The following HEBP2 variants were observed in gnomAD, a reference collection of about 807,000 sequenced individuals.
HEBP2 encodes heme-binding protein 2.
HEBP2 carries 27 observed loss-of-function variants against 23.1 expected under a neutral mutation model. The observed-to-expected ratio is 1.17, with a 90% CI of 0.86 to 1.61. The LOEUF (loss-of-function observed/expected upper bound fraction) is 1.61. Ranked by LOEUF, HEBP2 falls within the 40% of genes most tolerant of loss-of-function variation. The pLI is 0.00. For synonymous variants in HEBP2, 99 were observed against 95.1 expected, an observed-to-expected ratio of 1.04 and a Z score of -0.24; for missense variants, 245 against 253.8, an observed-to-expected ratio of 0.97 and a Z score of 0.24.
intron 3 of HEBP2, among the ~76,000 whole-genome samples, chr6:138,407,247 C>T (rs182662222): frequency 3.9e-5 from 6 of 152,302 alleles, no homozygotes; most frequent in African/African-American, 9.6e-5. Flanking sequence ...ATCCTGCGGC[C>T]GATTCCCCTC....
In HEBP2 at chr6:138,413,227, T is replaced by C. The variant is rs1774782975; in HGVS notation, c.*149T>C. On this transcript the variant is annotated 3_prime_UTR_variant, in exon 4 of 4. Coordinates refer to ENST00000607197, the MANE Select transcript of HEBP2 (RefSeq NM_014320.3). ...TATTTCCAATGTGCCTTTTTAATGC[T>C]TGAAGTTTTATCTACATACACAGGT... 1 of 639,364 alleles carries C rather than the reference T, an allele frequency of 1.6e-6. No homozygotes were observed. Among genetic ancestry groups the C allele is most frequent in the Admixed American group, 2.9e-5 (1 of 34,326 alleles). 39.6% of individuals were successfully genotyped at this position (639,364 alleles called of 1,614,324 possible).
rs200927630 is a variant in HEBP2, at chr6:138,406,150, C to T, written c.418C>T (p.Arg140Trp). 7.0e-5 allele frequency: 113 copies of T among 1,613,218 alleles called. No individual in the cohort carries two copies. The highest frequency in any genetic ancestry group is 3.2e-4 in the Admixed American group (19 of 59,896). Residue 140 changes from arginine to tryptophan, a missense_variant and splice_region_variant, in exon 3 of 4, where the codon CGG (arginine) becomes TGG (tryptophan). Coordinates refer to ENST00000607197, the MANE Select transcript of HEBP2 (RefSeq NM_014320.3). Reference sequence around the variant, plus strand: ...TAGAGCCGAAATGACTGTGTTTGTACGGTAAGTGGTAGATAATTTATAGCC... The same window carrying T: ...TAGAGCCGAAATGACTGTGTTTGTATGGTAAGTGGTAGATAATTTATAGCC... ...EDRAEMTVFV[R>W]SFDGFSSAQK...
chr6:138,404,268 G>A lies in HEBP2; in HGVS notation c.-228G>A, dbSNP rs1181172554. ...GGGGGCAGGACGCGCAACTCCGGCC[G>A]GAGCTGTCCGGGGTCGTGAGCCGGC... On this transcript the variant is annotated 5_prime_UTR_variant, in exon 1 of 4. Coordinates refer to ENST00000607197, the MANE Select transcript of HEBP2 (RefSeq NM_014320.3). The A allele has an allele frequency of 1.5e-5, 5 of 323,854 alleles. No individual in the cohort carries two copies. Among genetic ancestry groups the A allele is most frequent in the Non-Finnish European group, 2.8e-5 (5 of 178,510 alleles). The allele number at this position is 323,854 out of a possible 1,614,324, so 20.1% of individuals were successfully genotyped here.
chr6:138,413,284 T>TAA lies in HEBP2; in HGVS notation c.*206_*207insAA. ...GGACAGTAGTCTGTAAACATATAAA[T>TAA]CGGTCATAACTATCGTGGTCTTTAT... is the stretch of plus-strand genomic sequence containing the variant. On this transcript the variant is annotated 3_prime_UTR_variant, in exon 4 of 4. Transcript: ENST00000607197. 1 of 521,782 alleles carries TAA rather than the reference T, an allele frequency of 1.9e-6. No homozygotes were observed. The highest frequency in any genetic ancestry group is 3.4e-6 in the Non-Finnish European group (1 of 292,444). The allele number at this position is 521,782 out of a possible 1,614,324, so 32.3% of individuals were successfully genotyped here.
At chr6:138,411,311 G>A (rs1283471748) in intron 3 of HEBP2, among the ~76,000 whole-genome samples, 1 of 152,074 alleles carries the variant, frequency 6.6e-6, no homozygotes, top group African/African-American at 2.4e-5. Context: ...CCCCACAGCA[G>A]CCTCCTGACT....
chr6:138,405,039 A>C (rs1774616198), intron 1 of HEBP2, 106 bp from the exon 2 acceptor site: 3 of 1,266,756 alleles, frequency 2.4e-6, no homozygotes, highest in South Asian at 1.4e-5. Flanking sequence ...TGCAGCCCCT[A>C]GACAGGACGG....
Position 138,420,896 on chromosome 6 carries a change from C to T in HEBP2, c.*7818C>T, listed in dbSNP as rs373951890. On this transcript the variant is annotated 3_prime_UTR_variant, in exon 4 of 4. Transcript: ENST00000607197. The stretch of plus-strand genomic sequence containing the variant: ...GTAGGATCATGCCCCTCACTGATAG[C>T]TCAACCACGTTTTCTATCTTTGGGC... The T allele has an allele frequency of 5.9e-5, 9 of 152,328 alleles. No individual in the cohort carries two copies. Among genetic ancestry groups the T allele is most frequent in the African/African-American group, 2.2e-4 (9 of 41,576 alleles). 9.4% of individuals were successfully genotyped at this position (152,328 alleles called of 1,614,324 possible). A position where few individuals can be genotyped will look rare whatever the true frequency, so the allele number is the denominator to read the frequency against.
intron 3 of HEBP2, among the ~76,000 whole-genome samples, chr6:138,406,914 C>T (rs1194892042): frequency 6.6e-6 from 1 of 151,972 alleles, no homozygotes; most frequent in Admixed American, 6.6e-5. Context: ...GCCTGTGGTC[C>T]CAGCTACTTG....
rs1347594150 is a variant in HEBP2 at position 138,420,203 on chromosome 6, A to G, written c.*7125A>G. 2.0e-5 allele frequency: 3 copies of G among 152,208 alleles called. No individual in the cohort carries two copies. Among genetic ancestry groups the G allele is most frequent in the African/African-American group, 7.2e-5 (3 of 41,456 alleles). The allele number at this position is 152,208 out of a possible 1,614,324, so 9.4% of individuals were successfully genotyped here. A position where few individuals can be genotyped will look rare whatever the true frequency, so the allele number is the denominator to read the frequency against. ...TTATACTATCAAAAAAGCCACCAAG[A>G]CCAGCAAAGATGACAGTTGTGGGTG... On this transcript the variant is annotated 3_prime_UTR_variant, in exon 4 of 4. Coordinates refer to ENST00000607197, the MANE Select transcript of HEBP2 (RefSeq NM_014320.3).
Position 138,415,177 on chromosome 6 carries a change from G to C in HEBP2, c.*2099G>C, listed in dbSNP as rs1371431304. The C allele has an allele frequency of 1.3e-5, 2 of 152,352 alleles. No homozygotes were observed. The highest frequency in any genetic ancestry group is 3.9e-4 in the East Asian group (2 of 5,188). 9.4% of individuals were successfully genotyped at this position (152,352 alleles called of 1,614,324 possible). A position where few individuals can be genotyped will look rare whatever the true frequency, so the allele number is the denominator to read the frequency against. On this transcript the variant is annotated 3_prime_UTR_variant, in exon 4 of 4. Coordinates refer to ENST00000607197, the MANE Select transcript of HEBP2 (RefSeq NM_014320.3). ...TCCTACCGTTCCTCTGCTCAATCCT[G>C]CTTTTCCCTTTTCCTTTCAGAGATG...
At chr6:138,405,490 T>TG (rs1293074356) in intron 2 of HEBP2, among the ~76,000 whole-genome samples, 3 of 152,228 alleles carry the variant, frequency 2.0e-5, no homozygotes, top group Admixed American at 6.5e-5. Flanking sequence ...CTGGATGAAC[T>TG]GGGGTTTGGT....
At position 138,422,042 on chromosome 6, in the gene HEBP2, ATTTAC is replaced by A. The variant is rs140041102; in HGVS notation, c.*8970_*8974del. ...ATAAACAAAAAGAAATATTTCAAAT[ATTTAC>A]TTTACAATTGTTTTATTCAAAGGAA... On this transcript the variant is annotated 3_prime_UTR_variant, in exon 4 of 4. Transcript: ENST00000607197. The A allele has an allele frequency of 9.2e-3, 1,407 of 152,316 alleles. 15 individuals are homozygous for A. Among genetic ancestry groups the A allele is most frequent in the African/African-American group, 0.031 (1,284 of 41,554 alleles). 9.4% of individuals were successfully genotyped at this position (152,316 alleles called of 1,614,324 possible).
rs1338181993 is a variant in HEBP2 at position 138,417,953 on chromosome 6, C to T, written c.*4875C>T. 3 of 152,114 alleles carry T rather than the reference C, an allele frequency of 2.0e-5. No homozygotes were observed. Among genetic ancestry groups the T allele is most frequent in the African/African-American group, 7.2e-5 (3 of 41,406 alleles). 9.4% of individuals were successfully genotyped at this position (152,114 alleles called of 1,614,324 possible). A position where few individuals can be genotyped will look rare whatever the true frequency, so the allele number is the denominator to read the frequency against. On this transcript the variant is annotated 3_prime_UTR_variant, in exon 4 of 4. Coordinates refer to ENST00000607197, the MANE Select transcript of HEBP2 (RefSeq NM_014320.3). ...GCCTTAGTACTGAGGTCAAATTGTC[C>T]CTAGACCAAAGGCTTCTTTGGACTT... is the stretch of plus-strand genomic sequence containing the variant.
chr6:138,413,408 A>T lies in HEBP2; in HGVS notation c.*330A>T. The T allele has an allele frequency of 4.4e-6, 1 of 229,626 alleles. No individual in the cohort carries two copies. The highest frequency in any genetic ancestry group is 7.1e-5 in the South Asian group (1 of 14,132). 14.2% of individuals were successfully genotyped at this position (229,626 alleles called of 1,614,324 possible). A position where few individuals can be genotyped will look rare whatever the true frequency, so the allele number is the denominator to read the frequency against. On this transcript the variant is annotated 3_prime_UTR_variant, in exon 4 of 4. Transcript: ENST00000607197. ...TTCTTGGATTTGTGTCAGTTGGATGATATCCCCTCCAGATAGTATCAATAA... is the reference window on the plus strand; with the variant it reads ...TTCTTGGATTTGTGTCAGTTGGATGTTATCCCCTCCAGATAGTATCAATAA...
At chr6:138,404,162 A>G (rs1026118756), upstream of HEBP2, 3 of 240,376 alleles carry the variant, frequency 1.2e-5, no homozygotes, top group African/African-American at 7.5e-5. Context: ...TCCTTCAAAA[A>G]CAAAGGCGGG....
chr6:138,418,953 C>T lies in HEBP2; in HGVS notation c.*5875C>T, dbSNP rs1268752945. The T allele has an allele frequency of 6.6e-6, 1 of 151,968 alleles. No homozygotes were observed. Among genetic ancestry groups the T allele is most frequent in the Non-Finnish European group, 1.5e-5 (1 of 68,016 alleles). 9.4% of individuals were successfully genotyped at this position (151,968 alleles called of 1,614,324 possible). On this transcript the variant is annotated 3_prime_UTR_variant, in exon 4 of 4. Coordinates refer to ENST00000607197, the MANE Select transcript of HEBP2 (RefSeq NM_014320.3). ...AGGAAAAAAACATGGATTAGGAGGT[C>T]TGGGGTAGAGGCATGTGGATGGGCA...
chr6:138,415,446 G>C lies in HEBP2; in HGVS notation c.*2368G>C, dbSNP rs546938002. The C allele has an allele frequency of 6.6e-6, 1 of 152,380 alleles. No homozygotes were observed. Among genetic ancestry groups the C allele is most frequent in the East Asian group, 1.9e-4 (1 of 5,184 alleles). 9.4% of individuals were successfully genotyped at this position (152,380 alleles called of 1,614,324 possible). On this transcript the variant is annotated 3_prime_UTR_variant, in exon 4 of 4. Coordinates refer to ENST00000607197, the MANE Select transcript of HEBP2 (RefSeq NM_014320.3). ...GCTGGTGCAGGGGAACGCAATGACT[G>C]GTGGGTGATTTGGGTGTCTCAAATA...
rs201623392 is a variant in HEBP2, at chr6:138,406,107, A to G, written c.375A>G (p.Ser125=). 2.5e-6 allele frequency: 4 copies of G among 1,614,134 alleles called. No homozygotes were observed. In the South Asian group the frequency reaches 4.4e-5, roughly 18 times the overall value. The change falls in exon 3 of 4, where the codon TCA becomes TCG. Residue 125 remains serine, a synonymous_variant. Transcript: ENST00000607197. ...QQFDPPRPLE[S]DVFIEDRAEM... The stretch of plus-strand genomic sequence containing the variant: ...TTGATCCACCCAGGCCTTTAGAGTC[A>G]GATGTCTTCATTGAAGATAGAGCCG...
chr6:138,405,060 AC>A, intron 1 of HEBP2, 84 bp from the exon 2 acceptor site: 1 of 1,484,864 alleles, frequency 6.7e-7, no homozygotes, highest in Non-Finnish European at 9.2e-7. Flanking sequence ...CTCCAGGTCG[AC>A]CCGAGATCAT....
Sources: gnomAD v4.1 joint callset for allele counts (sites outside exome capture counted in the v4.1 genomes callset) on GRCh38, gnomAD v4.1.1 for gene constraint, MANE v1.5 for transcripts, NCBI Gene and HGNC (gene_info 2026-07-23, HGNC 2026-07-21) for gene names.